Variants in RIMS1 observed in about 807,000 individuals in gnomAD.
RIMS1 encodes regulating synaptic membrane exocytosis 1, also known as regulating synaptic membrane exocytosis protein 1.
A neutral mutation model predicts 214.1 loss-of-function variants in RIMS1; 83 were observed. The observed-to-expected ratio is 0.39, with a 90% confidence interval of 0.32 to 0.47. RIMS1 has a LOEUF of 0.47. Among genes scored for constraint, RIMS1 ranks in the 20% least tolerant of loss-of-function variants. RIMS1 has a pLI of 0.99. For synonymous variants in RIMS1, 793 were observed against 786.8 expected, an observed-to-expected ratio of 1.01 and a Z score of -0.13; for missense variants, 2,050 against 2,161.8, an observed-to-expected ratio of 0.95 and a Z score of 1.03.
intron 29 of RIMS1, among the ~76,000 whole-genome samples, chr6:72,363,623 T>A (rs1382192912): frequency 2.0e-5 from 3 of 152,188 alleles, no homozygotes; most frequent in Non-Finnish European, 4.4e-5. Flanking sequence ...GACTCTTTTT[T>A]AAAAAATATT....
chr6:72,386,328 G>A lies in RIMS1; in HGVS notation c.4367-4270G>A, dbSNP rs574176232. On this transcript the variant is annotated intron_variant, in intron 29 of 33. Transcript: ENST00000521978. ...GTGTTAGATAATGCAAGATAAGTCA[G>A]TTATTGACAGTCTGCACTTCACCGT... Among the ~76,000 whole-genome samples the A allele has an allele frequency of 1.0e-3, 158 of 152,342 alleles. 1 individual carries two copies. The highest frequency in any genetic ancestry group is 3.5e-3 in the South Asian group (17 of 4,828).
At chr6:72,344,512 A>G (rs2097196936) in intron 29 of RIMS1, among the ~76,000 whole-genome samples, 1 of 151,824 alleles carries the variant, frequency 6.6e-6, no homozygotes, top group African/African-American at 2.4e-5. Flanking sequence ...GCTGAAATCT[A>G]AATTCCTTAT....
intron 4 of RIMS1, among the ~76,000 whole-genome samples, chr6:72,103,107 C>T (rs1204518497): frequency 6.6e-6 from 1 of 152,116 alleles, no homozygotes; most frequent in Admixed American, 6.6e-5. Flanking sequence ...TAGATAAATA[C>T]ATCAATAAGA....
intron 29 of RIMS1, among the ~76,000 whole-genome samples, chr6:72,362,488 A>G (rs1248673783): frequency 1.3e-5 from 2 of 152,202 alleles, no homozygotes; most frequent in African/African-American, 4.8e-5. Flanking sequence ...AATTATGAAT[A>G]CAAAATTAGA....
chr6:72,283,092 A>G (rs976735037), intron 23 of RIMS1, among the ~76,000 whole-genome samples: 1 of 152,042 alleles, frequency 6.6e-6, no homozygotes, highest in Non-Finnish European at 1.5e-5. Flanking sequence ...ATAAGTAAAG[A>G]CAGATATTTT....
At chr6:71,964,045 T>C (rs1383298445) in intron 1 of RIMS1, among the ~76,000 whole-genome samples, 1 of 152,124 alleles carries the variant, frequency 6.6e-6, no homozygotes, top group Non-Finnish European at 1.5e-5. Context: ...CAGAAAACAG[T>C]AGAGCAACGT....
chr6:71,929,749 G>A (rs925746551), intron 1 of RIMS1, among the ~76,000 whole-genome samples: 32 of 152,102 alleles, frequency 2.1e-4, no homozygotes, highest in African/African-American at 4.3e-4. Flanking sequence ...TTGAGGCCGC[G>A]AAAGATATGA....
At chr6:72,357,585 C>A (rs930380190) in intron 29 of RIMS1, among the ~76,000 whole-genome samples, 1 of 152,154 alleles carries the variant, frequency 6.6e-6, no homozygotes, top group Non-Finnish European at 1.5e-5. Context: ...ACCTTTTCAG[C>A]CAGTTTTCTT....
At chr6:72,364,754 A>G (rs2097931839) in intron 29 of RIMS1, among the ~76,000 whole-genome samples, 1 of 152,184 alleles carries the variant, frequency 6.6e-6, no homozygotes, top group Non-Finnish European at 1.5e-5. Context: ...TAATTATCAG[A>G]TTTCTGCTGT....
At chr6:72,008,119 G>T (rs974112335) in intron 2 of RIMS1, among the ~76,000 whole-genome samples, 3 of 152,192 alleles carry the variant, frequency 2.0e-5, no homozygotes, top group Admixed American at 6.5e-5. Flanking sequence ...ACTAGCAGCT[G>T]ATCTCTCGGC....
At chr6:72,020,778 A>G (rs1814398306) in intron 2 of RIMS1, among the ~76,000 whole-genome samples, 1 of 152,192 alleles carries the variant, frequency 6.6e-6, no homozygotes, top group Admixed American at 6.5e-5. Flanking sequence ...AGCAAGTTGG[A>G]GAACATGGCT....
At chr6:72,107,524 G>A (rs1379132466) in intron 4 of RIMS1, among the ~76,000 whole-genome samples, 1 of 152,094 alleles carries the variant, frequency 6.6e-6, no homozygotes, top group Non-Finnish European at 1.5e-5. Flanking sequence ...TCGCATCACT[G>A]TACTCCAGCC....
At chr6:71,907,760 AT>A (rs1775685101) in intron 1 of RIMS1, among the ~76,000 whole-genome samples, 1 of 152,192 alleles carries the variant, frequency 6.6e-6, no homozygotes, top group South Asian at 2.1e-4. Flanking sequence ...AATTATCTAC[AT>A]TTAACTCATG....
intron 2 of RIMS1, among the ~76,000 whole-genome samples, chr6:72,032,291 C>T (rs1411542950): frequency 6.6e-6 from 1 of 152,106 alleles, no homozygotes. Context: ...AGAACTGATT[C>T]ATTGTCAGTT....
At chr6:72,370,754 G>A (rs903529398) in intron 29 of RIMS1, among the ~76,000 whole-genome samples, 2 of 152,242 alleles carry the variant, frequency 1.3e-5, no homozygotes, top group African/African-American at 4.8e-5. Context: ...TAAGCAGCTT[G>A]TGAAAAAAGA....
At chr6:72,177,240 G>T (rs774416434) in intron 4 of RIMS1, among the ~76,000 whole-genome samples, 1 of 151,998 alleles carries the variant, frequency 6.6e-6, no homozygotes, top group African/African-American at 2.4e-5. Context: ...GAACCTACTT[G>T]ATTTTATTTT....
At chr6:72,160,720 C>T (rs1259923098) in intron 4 of RIMS1, among the ~76,000 whole-genome samples, 1 of 140,520 alleles carries the variant, frequency 7.1e-6, no homozygotes, top group Non-Finnish European at 1.6e-5. Flanking sequence ...GCCTTGCATC[C>T]CAAGGATGAA....
chr6:72,387,357 A>T (rs1447411911), intron 29 of RIMS1, among the ~76,000 whole-genome samples: 1 of 152,104 alleles, frequency 6.6e-6, no homozygotes, highest in Admixed American at 6.5e-5. Context: ...TGCAGATTTT[A>T]TTATCTCATG....
intron 1 of RIMS1, among the ~76,000 whole-genome samples, chr6:71,920,607 A>C (rs1022880324): frequency 2.0e-5 from 3 of 152,182 alleles, no homozygotes; most frequent in Non-Finnish European, 4.4e-5. Context: ...ATGAGAATTA[A>C]CTCATTCCAT....
Sources: allele counts gnomAD v4.1 joint callset (sites outside exome capture counted in the v4.1 genomes callset), GRCh38; gene constraint gnomAD v4.1.1; transcripts MANE v1.5; gene names NCBI Gene and HGNC (gene_info 2026-07-23, HGNC 2026-07-21).